Variants in KYAT3 observed in about 807,000 individuals in gnomAD.
KYAT3 encodes the protein kynurenine--oxoglutarate transaminase 3.
A neutral mutation model predicts 59.0 loss-of-function variants in KYAT3; 50 were observed. The ratio of observed to expected loss-of-function variants is 0.85; its 90% CI spans 0.68 to 1.07. KYAT3 has a LOEUF of 1.07. KYAT3 is among the 50% of genes least tolerant of loss of function. The pLI, the probability that KYAT3 is intolerant of heterozygous loss-of-function variation, is 0.00. For missense variants in KYAT3, 497 were observed against 533.3 expected, an observed-to-expected ratio of 0.93 and a Z score of 0.67; for synonymous variants, 148 against 177.0, an observed-to-expected ratio of 0.84 and a Z score of 1.30.
chr1:88,974,914 G>C (rs1676713563), intron 2 of KYAT3, among the ~76,000 whole-genome samples: 1 of 152,198 alleles, frequency 6.6e-6, no homozygotes, highest in African/African-American at 2.4e-5. Flanking sequence ...CCAATCAGCA[G>C]GATGTGGGCA....
chr1:88,922,480 C>T, the KYAT3 span, among the ~76,000 whole-genome samples: 2 of 152,156 alleles, frequency 1.3e-5, no homozygotes, highest in Non-Finnish European at 2.9e-5. Flanking sequence ...GGTGGGTGAG[C>T]AAGCATTATT....
intron 2 of KYAT3, among the ~76,000 whole-genome samples, chr1:88,985,671 G>GC (rs1487329689): frequency 3.3e-5 from 5 of 152,134 alleles, no homozygotes; most frequent in Non-Finnish European, 7.4e-5. Flanking sequence ...ATGAATACCT[G>GC]CCCCATGTAA....
the KYAT3 span, among the ~76,000 whole-genome samples, chr1:88,924,009 G>A: frequency 6.6e-6 from 1 of 152,212 alleles, no homozygotes; most frequent in African/African-American, 2.4e-5. Context: ...CTGGCGGTGA[G>A]CAGGGAGTAT....
Position 88,936,121 on chromosome 1 carries a change from A to T in KYAT3, c.*62T>A. 1 of 1,043,218 alleles carries T rather than the reference A, an allele frequency of 9.6e-7. No individual in the cohort carries two copies. The highest frequency in any genetic ancestry group is 1.5e-6 in the Non-Finnish European group (1 of 686,874). The allele number at this position is 1,043,218 out of a possible 1,614,324, so 64.6% of individuals were successfully genotyped here. A position where few individuals can be genotyped will look rare whatever the true frequency, so the allele number is the denominator to read the frequency against. On this transcript the variant is annotated 3_prime_UTR_variant, in exon 14 of 14. Coordinates refer to ENST00000260508, the MANE Select transcript of KYAT3 (RefSeq NM_001008661.3). ...TACCTTTTAACATCCAGCAGGTGGC[A>T]GCACTAAGTAACAATTCCATACTAG...
chr1:88,944,922 C>A (rs1675378085), intron 11 of KYAT3, among the ~76,000 whole-genome samples: 1 of 152,178 alleles, frequency 6.6e-6, no homozygotes, highest in Non-Finnish European at 1.5e-5. Flanking sequence ...CGGCTCACTG[C>A]AACCTCCACT....
intron 5 of KYAT3, among the ~76,000 whole-genome samples, chr1:88,963,523 C>A (rs530522569): frequency 6.6e-6 from 1 of 152,270 alleles, no homozygotes; most frequent in South Asian, 2.1e-4. Flanking sequence ...AGAAAGTTAA[C>A]AATATAGATC....
chr1:88,981,967 G>A (rs1677112860), intron 2 of KYAT3: 6 of 983,844 alleles, frequency 6.1e-6, no homozygotes, highest in Non-Finnish European at 7.2e-6. Context: ...TTCATGGTTG[G>A]TTTTGGCCAA....
At chr1:88,934,901 G>A (rs1316281581), downstream of KYAT3, among the ~76,000 whole-genome samples, 1 of 152,006 alleles carries the variant, frequency 6.6e-6, no homozygotes, top group East Asian at 1.9e-4. Flanking sequence ...TCTTCAACAA[G>A]GATCTTAGTA....
chr1:88,957,052 T>A (rs1436774576), intron 8 of KYAT3, among the ~76,000 whole-genome samples: 2 of 152,194 alleles, frequency 1.3e-5, no homozygotes, highest in African/African-American at 4.8e-5. Flanking sequence ...CATAAGCAAG[T>A]AAAGTGCCTA....
Position 88,935,955 on chromosome 1 carries a change from C to T in KYAT3, c.*228G>A, listed in dbSNP as rs973929825. ...TTTCTTATCCACTATGTTATGCTGA[C>T]TCTTATAAAATGATTGTGGAAGGTG... is the stretch of plus-strand genomic sequence containing the variant. On this transcript the variant is annotated 3_prime_UTR_variant, in exon 14 of 14. Transcript: ENST00000260508. 2.2e-6 allele frequency: 1 copy of T among 464,140 alleles called. No homozygotes were observed. The highest frequency in any genetic ancestry group is 1.9e-5 in the African/African-American group (1 of 52,200). 28.8% of individuals were successfully genotyped at this position (464,140 alleles called of 1,614,324 possible).
rs1675032778 is a variant in KYAT3, at chr1:88,936,242, C to A, written c.1306G>T (p.Asp436Tyr). 6.2e-7 allele frequency: 1 copy of A among 1,603,818 alleles called. No individual in the cohort carries two copies. The highest frequency in any genetic ancestry group is 1.7e-5 in the Admixed American group (1 of 59,870). ...KFVRFCFIKK[D>Y]STLDAAEEII... ...TCTTCAGCAGCATCCAGTGTGCTGT[C>A]TTTCTGTAAATTAATGAAATAATCA... The change falls in exon 14 of 14, where the codon GAC becomes TAC. Residue 436 changes from aspartate (D) to tyrosine (Y), a missense_variant. By Grantham distance (160) the Asp-to-Tyr change is radical. Coordinates refer to ENST00000260508, the MANE Select transcript of KYAT3 (RefSeq NM_001008661.3).
rs5776007 is a variant in KYAT3, at chr1:88,941,531, A to ATT, written c.1302+1472_1302+1473dup. Among the ~76,000 whole-genome samples, 232 of 146,294 alleles carry ATT rather than the reference A, an allele frequency of 1.6e-3. 1 individual carries two copies. Among genetic ancestry groups the ATT allele is most frequent in the Middle Eastern group, 7.0e-3 (2 of 286 alleles). ...CCTAGATATAGCATTCTAGGCTGTT[A>ATT]TTTTTTTTTTTTTATGTCAGTGCTC... On this transcript the variant is annotated intron_variant, in intron 13 of 13. Transcript: ENST00000260508.
intron 13 of KYAT3, 88 bp downstream of exon 13, chr1:88,942,917 T>C: frequency 9.8e-7 from 1 of 1,023,050 alleles, no homozygotes; most frequent in Non-Finnish European, 1.5e-6. Flanking sequence ...CATATGAGCA[T>C]ATCATTTTTA....
chr1:88,931,003 A>T (rs1674895845), downstream of KYAT3, among the ~76,000 whole-genome samples: 1 of 152,222 alleles, frequency 6.6e-6, no homozygotes. Context: ...CCCGGTACTC[A>T]GAAGAAGAAA....
intron 8 of KYAT3, among the ~76,000 whole-genome samples, chr1:88,960,219 G>A (rs1676086477): frequency 6.6e-6 from 1 of 151,748 alleles, no homozygotes; most frequent in Non-Finnish European, 1.5e-5. Context: ...ACAGGCATGA[G>A]CCACTGTACC....
chr1:88,941,353 C>G (rs1201495020), intron 13 of KYAT3, among the ~76,000 whole-genome samples: 2 of 152,152 alleles, frequency 1.3e-5, no homozygotes, highest in African/African-American at 4.8e-5. Context: ...GTGTCTTGAT[C>G]TCAGTAAGAC....
At chr1:88,944,667 A>G (rs1343858226) in intron 11 of KYAT3, among the ~76,000 whole-genome samples, 4 of 152,158 alleles carry the variant, frequency 2.6e-5, no homozygotes, top group African/African-American at 9.7e-5. Context: ...ACTTAGTCTA[A>G]TTGTAAATTA....
chr1:88,990,025 C>A (rs796227451), intron 1 of KYAT3, among the ~76,000 whole-genome samples: 6 of 152,240 alleles, frequency 3.9e-5, no homozygotes, highest in African/African-American at 1.4e-4. Flanking sequence ...TTAAATTTTT[C>A]CCACACTCCT....
intron 11 of KYAT3, among the ~76,000 whole-genome samples, chr1:88,945,015 T>C (rs1279674924): frequency 6.6e-6 from 1 of 152,120 alleles, no homozygotes; most frequent in Non-Finnish European, 1.5e-5. Flanking sequence ...GGCTAATCTT[T>C]GTATTTTTAG....
Sources: allele counts gnomAD v4.1 joint callset (sites outside exome capture counted in the v4.1 genomes callset), GRCh38; gene constraint gnomAD v4.1.1; transcripts MANE v1.5; gene names NCBI Gene and HGNC (gene_info 2026-07-23, HGNC 2026-07-21).